Variants in HCRTR2 observed in about 807,000 individuals in gnomAD.
HCRTR2 encodes orexin receptor type 2.
A neutral mutation model predicts 49.0 loss-of-function variants in HCRTR2; 22 were observed. The observed-to-expected ratio is 0.45, with a 90% CI of 0.32 to 0.64. The LOEUF is 0.64. Among genes scored for constraint, HCRTR2 ranks in the 30% least tolerant of loss-of-function variants. The probability of loss-of-function intolerance (pLI) is 0.04; values close to 1 mark genes in which losing one functional copy is unlikely to be tolerated. For synonymous variants in HCRTR2, 236 were observed against 205.3 expected, an observed-to-expected ratio of 1.15 and a Z score of -1.28; for missense variants, 491 against 559.4, an observed-to-expected ratio of 0.88 and a Z score of 1.23.
intron 1 of HCRTR2, among the ~76,000 whole-genome samples, chr6:55,214,378 C>T (rs1043478664): frequency 2.0e-5 from 3 of 152,198 alleles, no homozygotes; most frequent in African/African-American, 7.2e-5. Context: ...GTCACCCAGA[C>T]TTGAGTGCAG....
intron 1 of HCRTR2, among the ~76,000 whole-genome samples, chr6:55,149,405 AGTGGACACAACT>A (rs1764635362): frequency 6.6e-6 from 1 of 152,122 alleles, no homozygotes; most frequent in Non-Finnish European, 1.5e-5. Context: ...AACAAGTGAA[AGTGGACACAACT>A]GTGGGTAAAA....
At chr6:55,135,530 G>A (rs1181087553) in intron 1 of HCRTR2, among the ~76,000 whole-genome samples, 1 of 151,984 alleles carries the variant, frequency 6.6e-6, no homozygotes, top group Non-Finnish European at 1.5e-5. Flanking sequence ...ATATTTTAGA[G>A]CAATCAGTTG....
chr6:55,248,968 A>G (rs1190316398), intron 2 of HCRTR2, 151 bp downstream of exon 2: 2 of 703,974 alleles, frequency 2.8e-6, no homozygotes, highest in Non-Finnish European at 4.9e-6. Context: ...ATTTCTGGAG[A>G]AATAAGTTAA....
At chr6:55,179,153 A>G (rs566920482) in intron 1 of HCRTR2, among the ~76,000 whole-genome samples, 19 of 152,172 alleles carry the variant, frequency 1.2e-4, no homozygotes, top group Non-Finnish European at 2.6e-4. Context: ...TTGCAAGTTC[A>G]TGTTACTCCT....
chr6:55,145,404 T>TG (rs1367042667), intron 1 of HCRTR2, among the ~76,000 whole-genome samples: 2 of 116,480 alleles, frequency 1.7e-5, no homozygotes, highest in African/African-American at 3.2e-5. Flanking sequence ...TTTTTTTTTT[T>TG]GTTTTTTTGT....
intron 4 of HCRTR2, among the ~76,000 whole-genome samples, chr6:55,274,831 AG>A (rs1167994212): frequency 6.6e-6 from 1 of 152,170 alleles, no homozygotes; most frequent in East Asian, 1.9e-4. Context: ...TTGATTACAA[AG>A]ATAAATGTGA....
chr6:55,282,059 A>G (rs751699117), intron 6 of HCRTR2, among the ~76,000 whole-genome samples, 166 bp from the exon 7 acceptor site: 3 of 152,194 alleles, frequency 2.0e-5, no homozygotes, highest in Non-Finnish European at 4.4e-5. Flanking sequence ...AGAGTCTACC[A>G]AGCTTCCAAT....
chr6:55,278,949 T>A (rs1300538280), intron 5 of HCRTR2, among the ~76,000 whole-genome samples: 1 of 151,908 alleles, frequency 6.6e-6, no homozygotes. Flanking sequence ...GGTTACGTAT[T>A]TGGATTTCCT....
At chr6:55,264,988 CACTG>C (rs1450656941) in intron 4 of HCRTR2, among the ~76,000 whole-genome samples, 1 of 152,072 alleles carries the variant, frequency 6.6e-6, no homozygotes, top group African/African-American at 2.4e-5. Flanking sequence ...GATCATCTTT[CACTG>C]ACTGGATATG....
intron 4 of HCRTR2, among the ~76,000 whole-genome samples, chr6:55,266,418 G>A (rs1411583406): frequency 6.6e-6 from 1 of 152,078 alleles, no homozygotes; most frequent in Non-Finnish European, 1.5e-5. Flanking sequence ...AGTTTAGAGA[G>A]GACATAGAGA....
intron 1 of HCRTR2, among the ~76,000 whole-genome samples, chr6:55,167,043 A>G (rs1764887612): frequency 6.6e-6 from 1 of 152,158 alleles, no homozygotes. Context: ...GAAAATCAGT[A>G]GTTATGAGGT....
At chr6:55,119,353 C>A (rs1160942905) in intron 1 of HCRTR2, among the ~76,000 whole-genome samples, 1 of 152,102 alleles carries the variant, frequency 6.6e-6, no homozygotes, top group Non-Finnish European at 1.5e-5. Flanking sequence ...TGAGGAGATG[C>A]CACACTGTCT....
intron 4 of HCRTR2, among the ~76,000 whole-genome samples, chr6:55,271,262 T>G (rs78114776): frequency 0.027 from 4,135 of 152,204 alleles, 207 homozygotes; most frequent in African/African-American, 0.092. Flanking sequence ...AATTGAGTAT[T>G]GATAAAGGTT....
intron 1 of HCRTR2, among the ~76,000 whole-genome samples, chr6:55,220,141 T>C (rs1420212075): frequency 1.3e-5 from 2 of 152,292 alleles, no homozygotes; most frequent in East Asian, 3.9e-4. Flanking sequence ...TGCCAATTCT[T>C]CTCAAACTTT....
chr6:55,124,635 C>T (rs1764248259), intron 1 of HCRTR2, among the ~76,000 whole-genome samples: 1 of 151,988 alleles, frequency 6.6e-6, no homozygotes, highest in South Asian at 2.1e-4. Context: ...TCTGCTTGGT[C>T]CAGAGCTGAG....
At chr6:55,271,158 C>G (rs1050380955) in intron 4 of HCRTR2, among the ~76,000 whole-genome samples, 1 of 152,058 alleles carries the variant, frequency 6.6e-6, no homozygotes, top group South Asian at 2.1e-4. Context: ...CAAAAAGCCA[C>G]AGTAACTAAG....
At chr6:55,114,133 G>A (rs552377549) in intron 1 of HCRTR2, among the ~76,000 whole-genome samples, 1 of 151,692 alleles carries the variant, frequency 6.6e-6, no homozygotes, top group Non-Finnish European at 1.5e-5. Flanking sequence ...GGGGAAAAGT[G>A]GAAGGGTGAG....
upstream of HCRTR2, among the ~76,000 whole-genome samples, chr6:55,170,746 C>G (rs190930144): frequency 9.6e-6 from 1 of 104,192 alleles, no homozygotes; most frequent in Non-Finnish European, 1.8e-5. Flanking sequence ...CCCCACCCCA[C>G]GACAGGTTCC....
chr6:55,145,399 T>TTTTTTG (rs1764565458), intron 1 of HCRTR2, among the ~76,000 whole-genome samples: 1 of 102,508 alleles, frequency 9.8e-6, no homozygotes. Flanking sequence ...CTTTGTTTTT[T>TTTTTTG]TTTTTGTTTT....
Sources: gnomAD v4.1 joint callset for allele counts (sites outside exome capture counted in the v4.1 genomes callset) on GRCh38, gnomAD v4.1.1 for gene constraint, MANE v1.5 for transcripts, NCBI Gene and HGNC (gene_info 2026-07-23, HGNC 2026-07-21) for gene names.